The following ATP8A2 variants were observed in gnomAD, a reference collection of about 807,000 sequenced individuals.
The protein encoded by ATP8A2 is phospholipid-transporting ATPase IB.
Under a neutral mutation model 165.6 loss-of-function variants are expected in ATP8A2, and 100 were observed. The ratio of observed to expected loss-of-function variants is 0.60; its 90% CI spans 0.51 to 0.71. ATP8A2 has a LOEUF of 0.71. Among genes scored for constraint, ATP8A2 ranks in the 30% least tolerant of loss-of-function variants. The probability of loss-of-function intolerance (pLI) is 0.00; values close to 1 mark genes in which losing one functional copy is unlikely to be tolerated. For missense variants in ATP8A2, 1,227 were observed against 1,479.5 expected (o/e 0.83, Z 2.80); for synonymous variants, 543 against 548.8 (o/e 0.99, Z 0.15).
intron 33 of ATP8A2, among the ~76,000 whole-genome samples, chr13:25,899,842 C>G (rs1313702080): frequency 6.6e-6 from 1 of 152,180 alleles, no homozygotes; most frequent in African/African-American, 2.4e-5. Context: ...ATGACATGCT[C>G]TGATGTCTAT....
At position 25,431,135 on chromosome 13, in the gene ATP8A2, A is replaced by T. The variant is rs141207984; in HGVS notation, c.77-37842A>T. On this transcript the variant is annotated intron_variant, in intron 1 of 36. Coordinates refer to ENST00000381655, the MANE Select transcript of ATP8A2 (RefSeq NM_016529.6). ...AACATTGTTAAGTACACATTTCTCT[A>T]AACAGATTTTATTTTATTTGTTTAT... Among the ~76,000 whole-genome samples, 18 of 102,008 alleles carry T rather than the reference A, an allele frequency of 1.8e-4. No homozygotes were observed. The East Asian group carries it at 5.3e-3, about 30-fold the overall frequency. 66.9% of individuals were successfully genotyped at this position (102,008 alleles called of 152,430 possible).
In ATP8A2 at chr13:25,738,879, A is replaced by G. The variant is rs747375809; in HGVS notation, c.2385-30167A>G. Among the ~76,000 whole-genome samples, 44 of 152,222 alleles carry G rather than the reference A, an allele frequency of 2.9e-4. 1 individual carries two copies. Among genetic ancestry groups the G allele is most frequent in the Admixed American group, 8.5e-4 (13 of 15,290 alleles). ...TTTATTTTCTAAAAGAAACATGAAA[A>G]CATAAAAATTTCAAGGTCTAAAAAT... is the stretch of plus-strand genomic sequence containing the variant. On this transcript the variant is annotated intron_variant, in intron 25 of 36. Coordinates refer to ENST00000381655, the MANE Select transcript of ATP8A2 (RefSeq NM_016529.6).
intron 33 of ATP8A2, among the ~76,000 whole-genome samples, chr13:25,912,156 AC>A (rs1272302911): frequency 2.4e-4 from 1 of 4,150 alleles, no homozygotes; most frequent in African/African-American, 5.1e-4. Flanking sequence ...AAAATGTGAG[AC>A]ACACACACAC....
chr13:25,591,732 G>A (rs1011668069), intron 24 of ATP8A2, among the ~76,000 whole-genome samples: 12 of 152,046 alleles, frequency 7.9e-5, no homozygotes, highest in Middle Eastern at 3.4e-3. Context: ...ACAGGCATGC[G>A]CCACCATGCC....
chr13:25,690,369 G>T, intron 24 of ATP8A2, among the ~76,000 whole-genome samples: 1 of 151,598 alleles, frequency 6.6e-6, no homozygotes, highest in East Asian at 1.9e-4. Context: ...GGAAAACGTG[G>T]GTTTTTAAGA....
intron 25 of ATP8A2, among the ~76,000 whole-genome samples, chr13:25,731,370 G>A (rs2043638070): frequency 7.3e-6 from 1 of 137,526 alleles, no homozygotes; most frequent in Non-Finnish European, 1.6e-5. Context: ...AGAGAGGAAG[G>A]AAGGAAGAGG....
intron 35 of ATP8A2, among the ~76,000 whole-genome samples, chr13:25,997,698 C>T (rs989774465): frequency 2.0e-5 from 3 of 152,190 alleles, no homozygotes; most frequent in African/African-American, 7.2e-5. Context: ...CCTCTGTCCC[C>T]TGCATTCTGC....
chr13:25,749,301 G>C (rs935576403), intron 25 of ATP8A2, among the ~76,000 whole-genome samples: 2 of 152,140 alleles, frequency 1.3e-5, no homozygotes, highest in African/African-American at 4.8e-5. Flanking sequence ...AGAGAGTGGA[G>C]GAGGGGGAAG....
intron 33 of ATP8A2, among the ~76,000 whole-genome samples, chr13:25,903,582 T>G (rs950032357): frequency 1.3e-5 from 2 of 152,214 alleles, no homozygotes; most frequent in Admixed American, 6.5e-5. Context: ...AGACCACTGT[T>G]GATTATCCCT....
chr13:25,937,517 A>G, intron 33 of ATP8A2, among the ~76,000 whole-genome samples: 1 of 151,576 alleles, frequency 6.6e-6, no homozygotes, highest in Non-Finnish European at 1.5e-5. Context: ...ACAGTTCTAT[A>G]TAAGCAAAAG....
intron 35 of ATP8A2, among the ~76,000 whole-genome samples, chr13:25,985,914 G>A (rs1417952092): frequency 1.3e-5 from 2 of 152,208 alleles, no homozygotes; most frequent in Admixed American, 1.3e-4. Context: ...CAGCAGTGAG[G>A]GAAGAAATGG....
At chr13:25,899,488 A>C (rs1198051161) in intron 33 of ATP8A2, among the ~76,000 whole-genome samples, 1 of 152,232 alleles carries the variant, frequency 6.6e-6, no homozygotes, top group East Asian at 1.9e-4. Flanking sequence ...AGAGAATTAC[A>C]ATAGCAAGTG....
intron 4 of ATP8A2, among the ~76,000 whole-genome samples, chr13:25,531,136 TG>T (rs201908019): frequency 1.4e-5 from 1 of 72,122 alleles, no homozygotes; most frequent in Non-Finnish European, 3.0e-5. Flanking sequence ...TGTGTGTGTG[TG>T]TATATATATG....
intron 27 of ATP8A2, among the ~76,000 whole-genome samples, chr13:25,825,253 G>T (rs1019646106): frequency 7.1e-6 from 1 of 139,906 alleles, no homozygotes; most frequent in Non-Finnish European, 1.5e-5. Flanking sequence ...CACCTTTTAG[G>T]CTCAAGGAAT....
Position 25,554,529 on chromosome 13 carries a change from A to ATGTG in ATP8A2, c.1186-428_1186-425dup, listed in dbSNP as rs71077486. On this transcript the variant is annotated intron_variant, in intron 12 of 36. Coordinates refer to ENST00000381655, the MANE Select transcript of ATP8A2 (RefSeq NM_016529.6). ...ATAAATCATGTGTGTGTGTGTGTGT[A>ATGTG]TGTGTGTGTGTGTGTGTGTGTGTGT... 1.8e-3 allele frequency among the ~76,000 whole-genome samples: 250 copies of ATGTG among 140,450 alleles called. 1 individual carries two copies. Among genetic ancestry groups the ATGTG allele is most frequent in the East Asian group, 8.8e-3 (38 of 4,340 alleles). The allele number at this position is 140,450 out of a possible 152,430, so 92.1% of individuals were successfully genotyped here. A position where few individuals can be genotyped will look rare whatever the true frequency, so the allele number is the denominator to read the frequency against.
chr13:25,616,100 A>G (rs867479171), intron 24 of ATP8A2, among the ~76,000 whole-genome samples: 2 of 152,020 alleles, frequency 1.3e-5, no homozygotes, highest in African/African-American at 4.8e-5. Flanking sequence ...ATCTTATTAG[A>G]TGCAGACCAA....
At chr13:25,538,121 G>A in intron 7 of ATP8A2, 60 bp downstream of exon 7, 5 of 1,314,518 alleles carry the variant, frequency 3.8e-6, no homozygotes, top group Non-Finnish European at 4.4e-6. Context: ...AAAATATTAA[G>A]CAGCACCTGG....
intron 25 of ATP8A2, among the ~76,000 whole-genome samples, chr13:25,738,539 G>A (rs1469532431): frequency 2.0e-5 from 3 of 152,250 alleles, no homozygotes; most frequent in Non-Finnish European, 4.4e-5. Context: ...GGGAACACAG[G>A]AAGCAGAGAG....
At chr13:25,502,987 AC>A (rs1350775846) in intron 2 of ATP8A2, among the ~76,000 whole-genome samples, 1 of 152,140 alleles carries the variant, frequency 6.6e-6, no homozygotes, top group Admixed American at 6.5e-5. Context: ...ACTTGACCAA[AC>A]TTTTGGGCAT....
Sources: allele counts gnomAD v4.1 joint callset (sites outside exome capture counted in the v4.1 genomes callset), GRCh38; gene constraint gnomAD v4.1.1; transcripts MANE v1.5; gene names NCBI Gene and HGNC (gene_info 2026-07-23, HGNC 2026-07-21).